TENM3: variants seen among roughly 807,000 people sequenced by gnomAD.
TENM3 encodes teneurin transmembrane protein 3.
Under a neutral mutation model 255.1 loss-of-function variants are expected in TENM3, and 63 were observed. The ratio of observed to expected loss-of-function variants is 0.25; its 90% CI spans 0.20 to 0.30. The LOEUF (loss-of-function observed/expected upper bound fraction) is 0.30, where lower values mean the gene tolerates loss of function less well. Among genes scored for constraint, TENM3 ranks in the 10% least tolerant of loss-of-function variants. TENM3 has a pLI of 1.00. For missense variants in TENM3, 2,929 were observed against 3,461.1 expected (o/e 0.85, Z 3.86); for synonymous variants, 1,306 against 1,322.3 (o/e 0.99, Z 0.27).
At chr4:181,480,982 C>T in the TENM3 span, among the ~76,000 whole-genome samples, 55,425 of 151,160 alleles carry the variant, frequency 0.37, 10,637 homozygotes, top group African/African-American at 0.49. Flanking sequence ...ATGGAGATTT[C>T]TCATACAGCG....
At chr4:181,978,159 A>G in the TENM3 span, among the ~76,000 whole-genome samples, 417 of 152,356 alleles carry the variant, frequency 2.7e-3, 3 homozygotes, top group African/African-American at 9.5e-3. Context: ...AATTAAACCA[A>G]TGAAAACAGA....
intron 22 of TENM3, among the ~76,000 whole-genome samples, chr4:182,770,063 G>GC (rs1764062756): frequency 6.7e-6 from 1 of 148,686 alleles, no homozygotes; most frequent in South Asian, 2.1e-4. Flanking sequence ...CCGAGATCAT[G>GC]CCACTGCATT....
At chr4:181,982,422 CTTTAT>C in the TENM3 span, among the ~76,000 whole-genome samples, 1 of 152,180 alleles carries the variant, frequency 6.6e-6, no homozygotes, top group South Asian at 2.1e-4. Flanking sequence ...ATGAAGGTAA[CTTTAT>C]TTTAAAGAAT....
intron 11 of TENM3, among the ~76,000 whole-genome samples, chr4:182,687,010 C>CA (rs1756630626): frequency 6.6e-6 from 1 of 152,050 alleles, no homozygotes; most frequent in Non-Finnish European, 1.5e-5. Context: ...TATTACAACT[C>CA]TCGTAGTGCC....
chr4:181,854,276 C>G, the TENM3 span, among the ~76,000 whole-genome samples: 6 of 152,280 alleles, frequency 3.9e-5, no homozygotes, highest in South Asian at 1.2e-3. Context: ...AGCTAACTTC[C>G]TCCTAAGAGC....
chr4:181,832,333 GT>G, the TENM3 span, among the ~76,000 whole-genome samples: 1 of 152,170 alleles, frequency 6.6e-6, no homozygotes, highest in South Asian at 2.1e-4. Flanking sequence ...TTCAGCGTGT[GT>G]TAATAAGATT....
chr4:181,863,969 G>A, the TENM3 span, among the ~76,000 whole-genome samples: 2 of 152,010 alleles, frequency 1.3e-5, no homozygotes, highest in Non-Finnish European at 1.5e-5. Flanking sequence ...CAAAACAGCC[G>A]TAATAACCAC....
chr4:181,838,735 A>T, the TENM3 span, among the ~76,000 whole-genome samples: 43 of 152,110 alleles, frequency 2.8e-4, no homozygotes, highest in Admixed American at 1.2e-3. Context: ...TCTTATTTTT[A>T]AAATTTTAAT....
At position 182,730,230 on chromosome 4, in the gene TENM3, G is replaced by T; in HGVS notation, c.2616G>T (p.Leu872=). 6.2e-7 allele frequency: 1 copy of T among 1,613,818 alleles called. No homozygotes were observed. ...SLASVIRGQV[L]TADGTPLIGV... is the part of the protein sequence containing the mutation. ...CATCTGTCATCAGAGGCCAAGTACT[G>T]ACTGCTGATGGAACTCCACTTATTG... The change falls in exon 15 of 28, where the codon CTG becomes CTT. Residue 872 remains leucine (L), a synonymous_variant. Coordinates refer to ENST00000511685, the MANE Select transcript of TENM3 (RefSeq NM_001080477.4).
At chr4:181,944,829 C>A in the TENM3 span, among the ~76,000 whole-genome samples, 92 of 152,154 alleles carry the variant, frequency 6.0e-4, no homozygotes, top group African/African-American at 1.9e-3. Context: ...GTCATTGCCA[C>A]CACACCCCTG....
chr4:182,545,088 C>T (rs1441823496), intron 3 of TENM3, among the ~76,000 whole-genome samples: 1 of 152,058 alleles, frequency 6.6e-6, no homozygotes, highest in Non-Finnish European at 1.5e-5. Context: ...ATTGCTTCTC[C>T]TGATAGAAAA....
intron 3 of TENM3, among the ~76,000 whole-genome samples, chr4:182,379,076 G>C (rs1387181085): frequency 6.6e-6 from 1 of 152,200 alleles, no homozygotes; most frequent in Admixed American, 6.5e-5. Flanking sequence ...CCAGTCTGGA[G>C]ACTAGAAGCG....
the TENM3 span, among the ~76,000 whole-genome samples, chr4:181,544,407 T>TCAAAAAAA: frequency 2.7e-5 from 1 of 37,500 alleles, no homozygotes. Context: ...TCCTTCAGGA[T>TCAAAAAAA]TAAAAAAAAA....
chr4:181,849,211 T>C, the TENM3 span, among the ~76,000 whole-genome samples: 1 of 152,200 alleles, frequency 6.6e-6, no homozygotes, highest in African/African-American at 2.4e-5. Context: ...AATTAGTGAA[T>C]GGAAAAGACA....
intron 3 of TENM3, among the ~76,000 whole-genome samples, chr4:182,503,197 G>A (rs1419504259): frequency 6.6e-6 from 1 of 152,032 alleles, no homozygotes; most frequent in East Asian, 1.9e-4. Flanking sequence ...TGAGGACTGG[G>A]GAGAGTGTAT....
At chr4:182,435,956 T>C (rs1192264267) in intron 3 of TENM3, among the ~76,000 whole-genome samples, 2 of 151,918 alleles carry the variant, frequency 1.3e-5, no homozygotes, top group Non-Finnish European at 2.9e-5. Flanking sequence ...AAAAAAGAAA[T>C]GGCATATTAT....
chr4:182,393,091 C>T (rs575575645), intron 3 of TENM3, among the ~76,000 whole-genome samples: 38 of 152,244 alleles, frequency 2.5e-4, no homozygotes, highest in African/African-American at 8.2e-4. Context: ...TTTCCATCAC[C>T]GTCTGTGTAG....
chr4:181,809,879 G>A, the TENM3 span, among the ~76,000 whole-genome samples: 1 of 152,072 alleles, frequency 6.6e-6, no homozygotes, highest in Non-Finnish European at 1.5e-5. Context: ...ATGGAGAAGA[G>A]GCAGGGAACA....
At chr4:182,017,720 T>G in the TENM3 span, among the ~76,000 whole-genome samples, 3 of 152,168 alleles carry the variant, frequency 2.0e-5, no homozygotes, top group African/African-American at 7.2e-5. Flanking sequence ...GAGGACCTTG[T>G]GAAGGGAGTG....
Sources: allele counts gnomAD v4.1 joint callset (sites outside exome capture counted in the v4.1 genomes callset), GRCh38; gene constraint gnomAD v4.1.1; transcripts MANE v1.5; gene names NCBI Gene and HGNC (gene_info 2026-07-23, HGNC 2026-07-21).